The following SGCD variants were observed in gnomAD, a reference collection of about 807,000 sequenced individuals.
SGCD encodes delta-sarcoglycan.
In SGCD, 18 loss-of-function variants were observed where a neutral mutation model predicts 36.6. That is an observed-to-expected ratio of 0.49 (90% confidence interval 0.34 to 0.73). The LOEUF (loss-of-function observed/expected upper bound fraction) is 0.73. SGCD is among the 30% of genes least tolerant of loss of function. The pLI, the probability that SGCD is intolerant of heterozygous loss-of-function variation, is 0.01. For synonymous variants in SGCD, 133 were observed against 130.6 expected (o/e 1.02, Z -0.12); for missense variants, 387 against 346.7 (o/e 1.12, Z -0.92).
At chr5:156,693,293 G>A (rs1041311912) in intron 7 of SGCD, among the ~76,000 whole-genome samples, 1 of 152,142 alleles carries the variant, frequency 6.6e-6, no homozygotes, top group South Asian at 2.1e-4. Flanking sequence ...AAACAAGTAA[G>A]TTTAGAGCTA....
At chr5:156,567,797 C>T (rs1026071738) in intron 4 of SGCD, among the ~76,000 whole-genome samples, 1 of 152,078 alleles carries the variant, frequency 6.6e-6, no homozygotes, top group Non-Finnish European at 1.5e-5. Context: ...ATAATAATCT[C>T]CAAAAAAGTT....
intron 3 of SGCD, among the ~76,000 whole-genome samples, chr5:156,274,496 T>G (rs1766266395): frequency 6.6e-6 from 1 of 152,108 alleles, no homozygotes; most frequent in South Asian, 2.1e-4. Context: ...TTTTATTAAC[T>G]TTTTTGCACT....
At chr5:155,788,645 T>G in the SGCD span, among the ~76,000 whole-genome samples, 1 of 152,222 alleles carries the variant, frequency 6.6e-6, no homozygotes, top group East Asian at 1.9e-4. Flanking sequence ...CATCTATTTT[T>G]TCATTTAAAT....
chr5:155,788,471 A>G, the SGCD span, among the ~76,000 whole-genome samples: 91 of 152,256 alleles, frequency 6.0e-4, 2 homozygotes, highest in East Asian at 0.014. Context: ...TTAAGATTGT[A>G]TAATATTATT....
intron 3 of SGCD, among the ~76,000 whole-genome samples, chr5:156,141,239 G>C (rs1275246489): frequency 1.3e-5 from 2 of 152,222 alleles, no homozygotes; most frequent in Non-Finnish European, 2.9e-5. Context: ...GGGAAGGCAA[G>C]AGCGTCCCTA....
chr5:155,764,801 G>A, the SGCD span, among the ~76,000 whole-genome samples: 2 of 152,120 alleles, frequency 1.3e-5, no homozygotes, highest in South Asian at 4.1e-4. Flanking sequence ...ACAACAGCAA[G>A]ACAGCCATGC....
chr5:156,687,947 T>C (rs1753966137), intron 7 of SGCD, among the ~76,000 whole-genome samples: 1 of 152,000 alleles, frequency 6.6e-6, no homozygotes, highest in Admixed American at 6.6e-5. Flanking sequence ...GCATGAGAAA[T>C]TTTTCTGACA....
chr5:155,823,565 T>G, the SGCD span, among the ~76,000 whole-genome samples: 1 of 152,262 alleles, frequency 6.6e-6, no homozygotes, highest in Non-Finnish European at 1.5e-5. Flanking sequence ...TTATTTGTCT[T>G]CTGCAAAGTT....
chr5:156,292,406 G>T (rs1350157113), intron 3 of SGCD, among the ~76,000 whole-genome samples: 1 of 152,004 alleles, frequency 6.6e-6, no homozygotes, highest in African/African-American at 2.4e-5. Context: ...TTAGCATAAC[G>T]TCCTCAAGGT....
At chr5:156,394,530 G>A (rs1202686492) in intron 3 of SGCD, among the ~76,000 whole-genome samples, 1 of 152,090 alleles carries the variant, frequency 6.6e-6, no homozygotes, top group Non-Finnish European at 1.5e-5. Flanking sequence ...CTATGATCAG[G>A]GCCATAATTT....
At chr5:155,882,635 A>G (rs1449210525) in intron 1 of SGCD, among the ~76,000 whole-genome samples, 1 of 152,168 alleles carries the variant, frequency 6.6e-6, no homozygotes, top group Non-Finnish European at 1.5e-5. Context: ...GTCAATGAGG[A>G]GTAATATTTC....
At chr5:156,633,642 C>G (rs1423219416) in intron 6 of SGCD, among the ~76,000 whole-genome samples, 4 of 152,166 alleles carry the variant, frequency 2.6e-5, no homozygotes, top group African/African-American at 9.7e-5. Context: ...TAAAAAATGT[C>G]TGGCAAATAG....
Position 156,290,805 on chromosome 5 carries a change from A to T in SGCD, c.-43-38729A>T, listed in dbSNP as rs191631436. 2.6e-3 allele frequency among the ~76,000 whole-genome samples: 396 copies of T among 152,284 alleles called. 3 individuals carry two copies. The highest frequency in any genetic ancestry group is 8.5e-3 in the African/African-American group (354 of 41,574). The stretch of plus-strand genomic sequence containing the variant: ...TAAAAAATGGAAAAGAATTTAAGTA[A>T]ATACCCCTCTGTAATCCCTGAACAC... On this transcript the variant is annotated intron_variant, in intron 3 of 9. Coordinates refer to the SGCD transcript ENST00000517913.
chr5:156,527,564 A>C (rs1757696182), intron 4 of SGCD, among the ~76,000 whole-genome samples: 1 of 152,224 alleles, frequency 6.6e-6, no homozygotes, highest in African/African-American at 2.4e-5. Flanking sequence ...CTCACTGTCC[A>C]AGTGAGCCCT....
intron 7 of SGCD, among the ~76,000 whole-genome samples, chr5:156,654,413 G>A (rs541064420): frequency 3.4e-4 from 52 of 152,252 alleles, no homozygotes; most frequent in African/African-American, 1.2e-3. Context: ...TGGTCCAGGT[G>A]TGTTGCCATA....
intron 3 of SGCD, among the ~76,000 whole-genome samples, chr5:156,372,214 G>A (rs1770422368): frequency 6.6e-6 from 1 of 152,182 alleles, no homozygotes; most frequent in African/African-American, 2.4e-5. Flanking sequence ...AACATGGCAA[G>A]AGGCAGGAAA....
intron 7 of SGCD, among the ~76,000 whole-genome samples, chr5:156,683,084 G>C (rs1358896528): frequency 6.6e-6 from 1 of 152,156 alleles, no homozygotes; most frequent in Non-Finnish European, 1.5e-5. Flanking sequence ...AATGGAGTGG[G>C]GTGATCTGAG....
chr5:155,822,764 G>T, the SGCD span, among the ~76,000 whole-genome samples: 1 of 152,192 alleles, frequency 6.6e-6, no homozygotes, highest in East Asian at 1.9e-4. Context: ...TTCACATATA[G>T]CAAATGTTTA....
chr5:156,046,470 AT>A (rs879554424), intron 1 of SGCD, among the ~76,000 whole-genome samples: 1 of 151,888 alleles, frequency 6.6e-6, no homozygotes, highest in Non-Finnish European at 1.5e-5. Flanking sequence ...TATTGGTGCC[AT>A]TTTTTTCCAA....
Sources: allele counts gnomAD v4.1 joint callset (sites outside exome capture counted in the v4.1 genomes callset), GRCh38; gene constraint gnomAD v4.1.1; transcripts MANE v1.5; gene names NCBI Gene and HGNC (gene_info 2026-07-23, HGNC 2026-07-21).